The following LRP1B variants were observed in gnomAD, a reference collection of about 807,000 sequenced individuals.
LRP1B encodes low-density lipoprotein receptor-related protein 1B.
Under a neutral mutation model 556.6 loss-of-function variants are expected in LRP1B, and 217 were observed. The ratio of observed to expected loss-of-function variants is 0.39; its 90% CI spans 0.35 to 0.44. LRP1B has a LOEUF of 0.44. LRP1B is among the 20% of genes least tolerant of loss of function. The pLI is 1.00. For synonymous variants in LRP1B, 2,047 were observed against 1,865.8 expected, an observed-to-expected ratio of 1.10 and a Z score of -2.50; for missense variants, 5,053 against 5,620.8, an observed-to-expected ratio of 0.90 and a Z score of 3.23.
chr2:141,139,351 A>C (rs1287486980), intron 7 of LRP1B, among the ~76,000 whole-genome samples: 2 of 151,972 alleles, frequency 1.3e-5, no homozygotes, highest in Non-Finnish European at 2.9e-5. Flanking sequence ...AAAAAATGAT[A>C]AACTTCATCA....
intron 37 of LRP1B, 119 bp downstream of exon 37, chr2:140,715,854 T>G: frequency 1.4e-6 from 1 of 736,248 alleles, no homozygotes; most frequent in Non-Finnish European, 2.1e-6. Flanking sequence ...TTTTTCTGCT[T>G]AGGTAAGATA....
chr2:140,913,650 C>A (rs1018778582), intron 21 of LRP1B, among the ~76,000 whole-genome samples: 12 of 151,930 alleles, frequency 7.9e-5, no homozygotes, highest in African/African-American at 2.9e-4. Flanking sequence ...TGTGTTAGGG[C>A]ATAGATAGTA....
chr2:141,377,497 T>G (rs1180780138), intron 3 of LRP1B, among the ~76,000 whole-genome samples: 1 of 152,110 alleles, frequency 6.6e-6, no homozygotes, highest in African/African-American at 2.4e-5. Flanking sequence ...ATTTGAAAAG[T>G]GTAATTTCCT....
chr2:140,972,142 T>A (rs1573938189), intron 18 of LRP1B, among the ~76,000 whole-genome samples: 1 of 152,088 alleles, frequency 6.6e-6, no homozygotes, highest in Non-Finnish European at 1.5e-5. Flanking sequence ...AACAGGAAAC[T>A]GCAAAGAAAG....
At chr2:141,192,959 T>G (rs1681584720) in intron 6 of LRP1B, among the ~76,000 whole-genome samples, 1 of 152,120 alleles carries the variant, frequency 6.6e-6, no homozygotes, top group Admixed American at 6.6e-5. Flanking sequence ...AATGAATAGT[T>G]GTAGTGATAA....
intron 2 of LRP1B, among the ~76,000 whole-genome samples, chr2:141,604,442 G>A (rs1239025515): frequency 6.6e-6 from 1 of 152,032 alleles, no homozygotes; most frequent in Non-Finnish European, 1.5e-5. Context: ...TAGGCAGAGA[G>A]GGGTGGGTCT....
intron 2 of LRP1B, among the ~76,000 whole-genome samples, chr2:141,740,375 C>T (rs1453964262): frequency 6.6e-6 from 1 of 152,080 alleles, no homozygotes; most frequent in African/African-American, 2.4e-5. Flanking sequence ...AGAAAATATG[C>T]TAATCAAATG....
At chr2:141,498,934 C>T (rs537411637) in intron 2 of LRP1B, among the ~76,000 whole-genome samples, 9 of 152,170 alleles carry the variant, frequency 5.9e-5, no homozygotes, top group Non-Finnish European at 1.2e-4. Context: ...CCAATCTGTT[C>T]CATCCAGGGT....
intron 27 of LRP1B, among the ~76,000 whole-genome samples, chr2:140,866,917 G>A (rs1003582710): frequency 6.6e-6 from 1 of 152,082 alleles, no homozygotes; most frequent in Non-Finnish European, 1.5e-5. Context: ...GAGAGAGCTT[G>A]TCATCTAAGA....
chr2:140,323,842 A>G (rs1176780136), intron 81 of LRP1B, 51 bp downstream of exon 81: 2 of 896,964 alleles, frequency 2.2e-6, no homozygotes. Context: ...TTTGAGAGAT[A>G]CAAGAAAATA....
chr2:140,908,216 G>A, intron 21 of LRP1B, 139 bp from the exon 22 acceptor site: 1 of 651,432 alleles, frequency 1.5e-6, no homozygotes, highest in Non-Finnish European at 2.7e-6. Flanking sequence ...CTTATTATTT[G>A]ACAGTTTATT....
chr2:140,345,877 T>TA (rs541391350), intron 77 of LRP1B, among the ~76,000 whole-genome samples: 3 of 142,910 alleles, frequency 2.1e-5, no homozygotes, highest in Non-Finnish European at 4.6e-5. Flanking sequence ...TATATATATA[T>TA]AAAAAAAATA....
In LRP1B at chr2:141,196,013, G is replaced by A. The variant is rs752145250; in HGVS notation, c.851-7430C>T. 2.5e-4 allele frequency among the ~76,000 whole-genome samples: 38 copies of A among 152,122 alleles called. 1 individual carries two copies. Among genetic ancestry groups the A allele is most frequent in the Admixed American group, 2.1e-3 (32 of 15,262 alleles). On this transcript the variant is annotated intron_variant, in intron 6 of 90. Transcript: ENST00000389484. Reference sequence around the variant, plus strand: ...CATTTTCTGAAAATGAGAAGCAGGGGTAAAGGGGCTATTTTGTAGCTAAAA... The same window carrying A: ...CATTTTCTGAAAATGAGAAGCAGGGATAAAGGGGCTATTTTGTAGCTAAAA...
intron 7 of LRP1B, among the ~76,000 whole-genome samples, chr2:141,110,447 G>A (rs1412459831): frequency 6.6e-6 from 1 of 152,112 alleles, no homozygotes; most frequent in Non-Finnish European, 1.5e-5. Flanking sequence ...AGAAGGAAAA[G>A]TTTGCTCATA....
intron 66 of LRP1B, among the ~76,000 whole-genome samples, chr2:140,407,794 G>T (rs1684807090): frequency 6.6e-6 from 1 of 151,994 alleles, no homozygotes. Flanking sequence ...ACTAAGAACA[G>T]ATCTGCCATT....
At chr2:141,271,388 A>T (rs1685083237) in intron 3 of LRP1B, among the ~76,000 whole-genome samples, 1 of 151,862 alleles carries the variant, frequency 6.6e-6, no homozygotes, top group Non-Finnish European at 1.5e-5. Flanking sequence ...AATCAACACA[A>T]CCAAGAATCA....
intron 3 of LRP1B, among the ~76,000 whole-genome samples, chr2:141,309,499 A>T (rs1686729647): frequency 1.3e-5 from 2 of 152,218 alleles, no homozygotes; most frequent in Admixed American, 6.5e-5. Flanking sequence ...TTAAGCCATG[A>T]GGATTCCACT....
rs1371878064 is a variant in LRP1B, at chr2:141,944,852, C to G, written c.83-134451G>C. ...TGCCCTTTCTTCTCCCTCTAACACA[C>G]ACAGGTATGTGTATATACCTTATTT... On this transcript the variant is annotated intron_variant, in intron 1 of 90. Transcript: ENST00000389484. Among the ~76,000 whole-genome samples, 5 of 152,286 alleles carry G rather than the reference C, an allele frequency of 3.3e-5. No individual in the cohort carries two copies. In the South Asian group the frequency reaches 1.0e-3, roughly 32 times the overall value.
intron 5 of LRP1B, among the ~76,000 whole-genome samples, chr2:141,233,603 C>A (rs1037852676): frequency 6.6e-6 from 1 of 151,968 alleles, no homozygotes; most frequent in Non-Finnish European, 1.5e-5. Flanking sequence ...TCCTTGCAAG[C>A]CTATCTTTAT....
Sources: gnomAD v4.1 joint callset for allele counts (sites outside exome capture counted in the v4.1 genomes callset) on GRCh38, gnomAD v4.1.1 for gene constraint, MANE v1.5 for transcripts, NCBI Gene and HGNC (gene_info 2026-07-23, HGNC 2026-07-21) for gene names.